Variants in RFX3 observed in about 807,000 individuals in gnomAD.
The protein encoded by RFX3 is regulatory factor X3.
RFX3 carries 14 observed loss-of-function variants against 98.6 expected under a neutral mutation model. That is an observed-to-expected ratio of 0.14 (90% CI 0.09 to 0.22). The LOEUF (loss-of-function observed/expected upper bound fraction) is 0.22, where lower values mean the gene tolerates loss of function less well. Ranked by LOEUF, RFX3 falls within the 10% of genes least tolerant of loss-of-function variation. RFX3 has a pLI of 1.00. For synonymous variants in RFX3, 383 were observed against 328.4 expected (o/e 1.17, Z -1.80); for missense variants, 639 against 926.9 (o/e 0.69, Z 4.03).
At chr9:3,325,907 G>C (rs1205599394) in intron 4 of RFX3, among the ~76,000 whole-genome samples, 1 of 152,074 alleles carries the variant, frequency 6.6e-6, no homozygotes. Context: ...TGTTGATATA[G>C]TTAGAAGACA....
intron 3 of RFX3, among the ~76,000 whole-genome samples, chr9:3,339,129 A>G (rs189161380): frequency 1.3e-5 from 2 of 148,702 alleles, no homozygotes; most frequent in African/African-American, 2.5e-5. Context: ...ACTTGAGTTT[A>G]AAAAAAAAAC....
At chr9:3,303,175 G>A (rs1828871099) in intron 4 of RFX3, among the ~76,000 whole-genome samples, 1 of 151,712 alleles carries the variant, frequency 6.6e-6, no homozygotes, top group Admixed American at 6.6e-5. Context: ...CACTATACTT[G>A]AAAATAGTGA....
At chr9:3,440,094 A>G (rs997225872) in intron 1 of RFX3, among the ~76,000 whole-genome samples, 1 of 152,078 alleles carries the variant, frequency 6.6e-6, no homozygotes, top group Non-Finnish European at 1.5e-5. Flanking sequence ...AAGTAGCAAT[A>G]AAAGAATTTT....
Position 3,270,416 on chromosome 9 carries a change from C to T in RFX3, c.1312G>A (p.Ala438Thr), listed in dbSNP as rs371178536. Residue 438 changes from alanine to threonine, a missense_variant, in exon 11 of 17, where the codon GCT becomes ACT. By Grantham distance (58) the Ala-to-Thr change is moderately conservative. Coordinates refer to ENST00000617270, the MANE Select transcript of RFX3 (RefSeq NM_001282116.2). ...MCNCDHGMYQ[A>T]LVEILIPDVL... ...TCGGGGATGAGAATCTCCACCAAAG[C>T]CTGGTACATCCCATGGTCACAGTTA... 3 of 1,613,648 alleles carry T rather than the reference C, an allele frequency of 1.9e-6. No homozygotes were observed. The African/African-American group carries it at 4.0e-5, about 22-fold the overall frequency.
In RFX3 at chr9:3,239,517, C is replaced by T. The variant is rs373419157; in HGVS notation, c.1968+8515G>A. On this transcript the variant is annotated intron_variant, in intron 15 of 16. Coordinates refer to ENST00000617270, the MANE Select transcript of RFX3 (RefSeq NM_001282116.2). ...CAGGGCAGCATGATTCTAACTGTTC[C>T]GGCTTTTCTGCCTGCCTTGGGGACA... 2.0e-4 allele frequency among the ~76,000 whole-genome samples: 31 copies of T among 152,292 alleles called. No homozygotes were observed. The East Asian group carries it at 3.5e-3, about 17-fold the overall frequency.
At chr9:3,487,926 A>G (rs1411194323) in intron 1 of RFX3, among the ~76,000 whole-genome samples, 2 of 152,106 alleles carry the variant, frequency 1.3e-5, no homozygotes, top group Non-Finnish European at 2.9e-5. Context: ...TCCCCATATA[A>G]CTTACTGTTG....
chr9:3,471,090 A>G (rs1848735035), intron 1 of RFX3, among the ~76,000 whole-genome samples: 1 of 152,204 alleles, frequency 6.6e-6, no homozygotes, highest in Non-Finnish European at 1.5e-5. Context: ...ACTGAAATTC[A>G]AAAAGATTGT....
At position 3,270,992 on chromosome 9, in the gene RFX3, T is replaced by C. The variant is rs749553846; in HGVS notation, c.1202+11A>G. On this transcript the variant is annotated intron_variant, in intron 10 of 16. Transcript: ENST00000617270. ...CCATGAAAATGAATTGGAAAAGATG[T>C]TGATTCTGACCTCGATTCGGTAATG... 39 of 1,613,754 alleles carry C rather than the reference T, an allele frequency of 2.4e-5. No homozygotes were observed. The highest frequency in any genetic ancestry group is 3.1e-5 in the Non-Finnish European group (36 of 1,179,736).
chr9:3,345,036 G>A (rs1224016329), intron 3 of RFX3, among the ~76,000 whole-genome samples: 1 of 152,150 alleles, frequency 6.6e-6, no homozygotes, highest in African/African-American at 2.4e-5. Context: ...TTCGCATTCA[G>A]GGAGAGTTCT....
intron 1 of RFX3, among the ~76,000 whole-genome samples, chr9:3,472,647 G>A (rs1462774698): frequency 6.6e-6 from 1 of 152,048 alleles, no homozygotes; most frequent in Non-Finnish European, 1.5e-5. Flanking sequence ...TCAATCTATC[G>A]TAAGGATTTA....
chr9:3,301,742 T>C, intron 4 of RFX3, 122 bp from the exon 5 acceptor site: 1 of 602,074 alleles, frequency 1.7e-6, no homozygotes, highest in South Asian at 2.6e-5. Flanking sequence ...AATGAACAGT[T>C]GCCACTTAAT....
chr9:3,480,009 G>A (rs1179506032), intron 1 of RFX3, among the ~76,000 whole-genome samples: 2 of 152,188 alleles, frequency 1.3e-5, no homozygotes, highest in Admixed American at 6.5e-5. Flanking sequence ...AAGGTAGGCC[G>A]AGAAAAGTAA....
At chr9:3,515,285 C>A (rs771072558) in intron 1 of RFX3, among the ~76,000 whole-genome samples, 1 of 152,060 alleles carries the variant, frequency 6.6e-6, no homozygotes, top group Non-Finnish European at 1.5e-5. Flanking sequence ...TTTCCATCTA[C>A]TAATATACTA....
intron 3 of RFX3, chr9:3,344,853 CA>C (rs1481041721): frequency 1.4e-6 from 1 of 715,300 alleles, no homozygotes; most frequent in Non-Finnish European, 2.6e-6. Context: ...GTGAAGATTC[CA>C]AAATCATGCT....
intron 1 of RFX3, among the ~76,000 whole-genome samples, chr9:3,405,277 C>G (rs1841854301): frequency 6.6e-6 from 1 of 152,244 alleles, no homozygotes; most frequent in South Asian, 2.1e-4. Flanking sequence ...CAACAACACT[C>G]TGTTTTTAAA....
At chr9:3,289,584 A>G (rs1827072912) in intron 6 of RFX3, among the ~76,000 whole-genome samples, 1 of 152,160 alleles carries the variant, frequency 6.6e-6, no homozygotes, top group Non-Finnish European at 1.5e-5. Context: ...ACAAAACTAC[A>G]GAGGAAAATG....
chr9:3,293,584 G>A (rs760666769), intron 5 of RFX3, among the ~76,000 whole-genome samples: 2 of 152,028 alleles, frequency 1.3e-5, no homozygotes, highest in African/African-American at 2.4e-5. Flanking sequence ...CCCGTTAACT[G>A]GTCATAAATA....
chr9:3,504,900 TTA>T (rs372833954), intron 1 of RFX3, among the ~76,000 whole-genome samples: 5,283 of 62,550 alleles, frequency 0.084, 293 homozygotes, highest in East Asian at 0.11. Context: ...ATAACATATA[TTA>T]TATATATATA....
chr9:3,420,160 T>C (rs1241457949), intron 1 of RFX3, among the ~76,000 whole-genome samples: 1 of 152,192 alleles, frequency 6.6e-6, no homozygotes, highest in African/African-American at 2.4e-5. Flanking sequence ...GCTCTCACCA[T>C]GTGTGCTGCC....
Sources: allele counts gnomAD v4.1 joint callset (sites outside exome capture counted in the v4.1 genomes callset), GRCh38; gene constraint gnomAD v4.1.1; transcripts MANE v1.5; gene names NCBI Gene and HGNC (gene_info 2026-07-23, HGNC 2026-07-21).